SH3TC1: variants seen among roughly 807,000 people sequenced by gnomAD.
SH3TC1 encodes the protein SH3 domain and tetratricopeptide repeat-containing protein 1.
Under a neutral mutation model 117.3 loss-of-function variants are expected in SH3TC1, and 135 were observed. The ratio of observed to expected loss-of-function variants is 1.15; its 90% CI spans 1.00 to 1.33. The LOEUF is 1.33. SH3TC1 is among the 40% of genes most tolerant of loss of function. The pLI, the probability that SH3TC1 is intolerant of heterozygous loss-of-function variation, is 0.00. For synonymous variants in SH3TC1, 898 were observed against 816.9 expected, an observed-to-expected ratio of 1.10 and a Z score of -1.69; for missense variants, 2,092 against 1,794.3, an observed-to-expected ratio of 1.17 and a Z score of -3.00.
Position 8,205,579 on chromosome 4 carries a change from GC to G in SH3TC1, c.172+214del, listed in dbSNP as rs1372436636. 3.7e-6 allele frequency: 3 copies of G among 804,036 alleles called. No homozygotes were observed. Among genetic ancestry groups the G allele is most frequent in the Admixed American group, 1.7e-5 (1 of 59,050 alleles). 49.8% of individuals were successfully genotyped at this position (804,036 alleles called of 1,614,324 possible). On this transcript the variant is annotated intron_variant, in intron 2 of 17. Transcript: ENST00000245105. This position sits in a 1 kb window ranked among gnomAD's most constrained non-coding sequence, Gnocchi z 5.4. ...GAGTCACTTGAGAGGCCAGGGCCCA[GC>G]TCGTGTTTTTCCAGGGACGCGTCAG...
chr4:8,218,009 C>T (rs932046705), intron 7 of SH3TC1, among the ~76,000 whole-genome samples: 56 of 152,266 alleles, frequency 3.7e-4, no homozygotes, highest in African/African-American at 1.2e-3. Context: ...TCCAGGCCCA[C>T]AGGGGTGGCG....
chr4:8,187,335 G>T (rs569258665), intron 1 of SH3TC1, among the ~76,000 whole-genome samples: 2 of 149,854 alleles, frequency 1.3e-5, no homozygotes, highest in South Asian at 4.1e-4. Flanking sequence ...GAAGGGTGTT[G>T]GTTGGGTTTC....
intron 2 of SH3TC1, among the ~76,000 whole-genome samples, chr4:8,207,398 G>C (rs1718303414): frequency 6.6e-6 from 1 of 152,230 alleles, no homozygotes. Flanking sequence ...CCCCTCTGCA[G>C]TTAGTAAGTA....
chr4:8,236,066 G>A (rs955542924), intron 15 of SH3TC1: 3 of 591,866 alleles, frequency 5.1e-6, no homozygotes, highest in African/African-American at 3.9e-5. Flanking sequence ...GGGCTGGTTT[G>A]AGGCTGCCGG....
chr4:8,213,078 C>A (rs1256148343), intron 4 of SH3TC1: 2 of 517,668 alleles, frequency 3.9e-6, no homozygotes, highest in East Asian at 7.0e-5. Flanking sequence ...CAACAGGGGA[C>A]CTCGAGCTGT....
At chr4:8,239,190 C>A (rs1411941227) in intron 17 of SH3TC1, among the ~76,000 whole-genome samples, 3 of 152,120 alleles carry the variant, frequency 2.0e-5, no homozygotes, top group African/African-American at 7.3e-5. Context: ...CTGCCACCCA[C>A]TAGCTGCTGC....
intron 1 of SH3TC1, among the ~76,000 whole-genome samples, chr4:8,200,756 C>T (rs150942297): frequency 8.5e-4 from 129 of 152,314 alleles, no homozygotes; most frequent in African/African-American, 3.0e-3. Context: ...CCTCAGAAGG[C>T]TACTGGGCGG....
intron 1 of SH3TC1, among the ~76,000 whole-genome samples, chr4:8,188,389 C>A (rs1717294456): frequency 6.6e-6 from 1 of 152,250 alleles, no homozygotes; most frequent in Non-Finnish European, 1.5e-5. Context: ...GCTGACCCTG[C>A]CCCACTGAAT....
At position 8,192,316 on chromosome 4, in the gene SH3TC1, A is replaced by G. The variant is rs1717441790; in HGVS notation, c.-57+10106A>G. 6.6e-6 allele frequency among the ~76,000 whole-genome samples: 1 copy of G among 151,058 alleles called. No homozygotes were observed. Among genetic ancestry groups the G allele is most frequent in the South Asian group, 2.1e-4 (1 of 4,756 alleles). Reference sequence around the variant, plus strand: ...CGGCCCTCAGTCACCTTTAAAATGAAAGGGCCACGGAATCACCAGGAACTC... The same window carrying G: ...CGGCCCTCAGTCACCTTTAAAATGAGAGGGCCACGGAATCACCAGGAACTC... On this transcript the variant is annotated intron_variant, in intron 1 of 16. Transcript: ENST00000508641. The surrounding 1 kb of genome is among the most constrained non-coding windows in gnomAD (Gnocchi z 4.1).
chr4:8,208,841 C>T (rs1279442090), intron 2 of SH3TC1, among the ~76,000 whole-genome samples: 2 of 152,234 alleles, frequency 1.3e-5, no homozygotes, highest in South Asian at 2.1e-4. Context: ...TGTGGCTGTG[C>T]GGCGCCCAGG....
In SH3TC1 at chr4:8,237,266, C is replaced by T. The variant is rs1268587879; in HGVS notation, c.3557-208C>T. 1.5e-5 allele frequency: 7 copies of T among 478,694 alleles called. No individual in the cohort carries two copies. The Admixed American group carries it at 1.7e-4, about 11-fold the overall frequency. 29.7% of individuals were successfully genotyped at this position (478,694 alleles called of 1,614,324 possible). ...GGCACAGAGCTGGGCCATCCAAGTC[C>T]GACTTTGCCAAAGCCTCACGGTAGA... On this transcript the variant is annotated intron_variant, in intron 16 of 17. Coordinates refer to ENST00000245105, the MANE Select transcript of SH3TC1 (RefSeq NM_018986.5).
At chr4:8,220,789 C>T (rs1719843080) in intron 9 of SH3TC1, among the ~76,000 whole-genome samples, 1 of 152,194 alleles carries the variant, frequency 6.6e-6, no homozygotes, top group South Asian at 2.1e-4. Flanking sequence ...CATGCCTCAT[C>T]AAGCCGTTCA....
chr4:8,216,085 C>T (rs577348513), intron 5 of SH3TC1, 26 bp from the exon 6 acceptor site: 33 of 1,610,524 alleles, frequency 2.0e-5, no homozygotes, highest in East Asian at 1.8e-4. Flanking sequence ...CTGGAGCCCT[C>T]GGGTGACTGG....
At chr4:8,222,386 T>C (rs866116839) in intron 9 of SH3TC1, among the ~76,000 whole-genome samples, 3,407 of 143,078 alleles carry the variant, frequency 0.024, 27 homozygotes, top group Non-Finnish European at 0.038. Flanking sequence ...TTTTTTTTTT[T>C]TTTTTCAGAC....
At chr4:8,236,232 A>G (rs1721799220) in intron 15 of SH3TC1, 46 bp from the exon 16 acceptor site, 5 of 1,508,086 alleles carry the variant, frequency 3.3e-6, no homozygotes, top group Non-Finnish European at 4.4e-6. Flanking sequence ...GGCGCTGGGC[A>G]AGGTGGGTGC....
rs1418911886 is a variant in SH3TC1 at position 8,190,423 on chromosome 4, G to A, written c.-57+8213G>A. On this transcript the variant is annotated intron_variant, in intron 1 of 16. Coordinates refer to the SH3TC1 transcript ENST00000508641. The surrounding 1 kb of genome is among the most constrained non-coding windows in gnomAD (Gnocchi z 4.7). ...GTCCCACCCCTGATTCAGGAAAGTTGGGGCTCTGAGGAGTTCGGGCCTATG... is the reference window on the plus strand; with the variant it reads ...GTCCCACCCCTGATTCAGGAAAGTTAGGGCTCTGAGGAGTTCGGGCCTATG... 3.3e-5 allele frequency among the ~76,000 whole-genome samples: 5 copies of A among 152,216 alleles called. No homozygotes were observed. In the East Asian group the frequency reaches 9.6e-4, roughly 29 times the overall value.
At chr4:8,220,658 G>T (rs935859091) in intron 9 of SH3TC1, among the ~76,000 whole-genome samples, 2 of 152,102 alleles carry the variant, frequency 1.3e-5, no homozygotes, top group Non-Finnish European at 2.9e-5. Flanking sequence ...CCACCTTCTG[G>T]GTCATGTGAT....
In SH3TC1 at chr4:8,205,152, C is replaced by A; in HGVS notation, c.-28-15C>A. On this transcript the variant is annotated splice_polypyrimidine_tract_variant and intron_variant, in intron 1 of 17. Transcript: ENST00000245105. This position sits in a 1 kb window ranked among gnomAD's most constrained non-coding sequence, Gnocchi z 5.4. ...GAGGGGCCACCTCTCCTGACCACAC[C>A]CCCTCTGTCCACAGGGCCAGGCATG... 6.8e-7 allele frequency: 1 copy of A among 1,460,186 alleles called. No individual in the cohort carries two copies. The highest frequency in any genetic ancestry group is 9.0e-7 in the Non-Finnish European group (1 of 1,105,132). 90.5% of individuals were successfully genotyped at this position (1,460,186 alleles called of 1,614,324 possible). A position where few individuals can be genotyped will look rare whatever the true frequency, so the allele number is the denominator to read the frequency against.
chr4:8,214,380 A>T, intron 4 of SH3TC1, 95 bp from the exon 5 acceptor site: 2 of 1,183,118 alleles, frequency 1.7e-6, no homozygotes, highest in South Asian at 2.6e-5. Flanking sequence ...CCGGGGCCAC[A>T]TCTGCAAGAT....
Sources: gnomAD v4.1 joint callset for allele counts (sites outside exome capture counted in the v4.1 genomes callset) on GRCh38, gnomAD v4.1.1 for gene constraint, Gnocchi (gnomAD v3.1) non-coding constraint, MANE v1.5 for transcripts, NCBI Gene and HGNC (gene_info 2026-07-23, HGNC 2026-07-21) for gene names.